The following NAT2 variants were observed in gnomAD, a reference collection of about 807,000 sequenced individuals.
The protein encoded by NAT2 is N-acetyltransferase 2, also known as arylamine N-acetyltransferase 2.
For synonymous variants in NAT2, 137 were observed against 125.9 expected, an observed-to-expected ratio of 1.09 and a Z score of -0.59; for missense variants, 428 against 339.1, an observed-to-expected ratio of 1.26 and a Z score of -2.06.
rs549584015 is a variant in NAT2, at chr8:18,400,684, C to T, written c.681C>T (p.Thr227=). ...CCACATCATTTTGTTCCTTGCAGAC[C>T]CCAGAAGGGGTTTACTGTTTGGTGG... ...FITTSFCSLQ[T]PEGVYCLVGF... The change falls in exon 2 of 2, where the codon ACC becomes ACT. Residue 227 remains threonine (T), a synonymous_variant. Transcript: ENST00000286479. 2.5e-6 allele frequency: 4 copies of T among 1,613,852 alleles called. No individual in the cohort carries two copies. The highest frequency in any genetic ancestry group is 3.4e-6 in the Non-Finnish European group (4 of 1,179,938).
At chr8:18,395,485 CAAAT>C (rs1800668383) in intron 1 of NAT2, among the ~76,000 whole-genome samples, 1 of 151,954 alleles carries the variant, frequency 6.6e-6, no homozygotes, top group South Asian at 2.1e-4. Flanking sequence ...AAATGTAGAA[CAAAT>C]AAAGTTGAAC....
upstream of NAT2, among the ~76,000 whole-genome samples, chr8:18,390,479 A>G (rs1304891142): frequency 6.6e-6 from 1 of 152,202 alleles, no homozygotes; most frequent in Non-Finnish European, 1.5e-5. Context: ...CAGACATGCT[A>G]ATTACCATGA....
chr8:18,400,386 C>A lies in NAT2; in HGVS notation c.383C>A (p.Ser128Tyr), dbSNP rs1181461804. ...NYIVDAGSGS[S>Y]SQMWQPLELI... ...ATTGTCGATGCTGGGTCTGGAAGCT[C>A]CTCCCAGATGTGGCAGCCTCTAGAA... Residue 128 changes from serine to tyrosine, a missense_variant, in exon 2 of 2, where the codon TCC (serine) becomes TAC (tyrosine). Ser to Tyr is a moderately radical substitution (Grantham distance 144). Coordinates refer to ENST00000286479, the MANE Select transcript of NAT2 (RefSeq NM_000015.3). The A allele has an allele frequency of 3.1e-6, 5 of 1,611,886 alleles. No homozygotes were observed. In the South Asian group the frequency reaches 4.4e-5, roughly 14 times the overall value.
At chr8:18,391,248 G>A (rs986951258), upstream of NAT2, 1 of 152,124 alleles carries the variant, frequency 6.6e-6, no homozygotes, top group Non-Finnish European at 1.5e-5. Flanking sequence ...ATTCCAGTGA[G>A]ATCACTTCCC....
At chr8:18,389,086 G>T (rs182725558), upstream of NAT2, among the ~76,000 whole-genome samples, 1 of 152,108 alleles carries the variant, frequency 6.6e-6, no homozygotes, top group Non-Finnish European at 1.5e-5. Context: ...TTCCCATGAC[G>T]GTTCTTGCTG....
Position 18,400,402 on chromosome 8 carries a change from G to A in NAT2, c.399G>A (p.Gln133=). The change falls in exon 2 of 2, where the codon CAG becomes CAA. Residue 133 remains glutamine, a synonymous_variant. Coordinates refer to ENST00000286479, the MANE Select transcript of NAT2 (RefSeq NM_000015.3). ...CTGGAAGCTCCTCCCAGATGTGGCA[G>A]CCTCTAGAATTAATTTCTGGGAAGG... ...AGSGSSSQMW[Q]PLELISGKDQ... 1 of 1,611,720 alleles carries A rather than the reference G, an allele frequency of 6.2e-7. No homozygotes were observed. The highest frequency in any genetic ancestry group is 8.5e-7 in the Non-Finnish European group (1 of 1,179,264).
chr8:18,394,857 A>G (rs1260838899), intron 1 of NAT2, among the ~76,000 whole-genome samples: 1 of 152,240 alleles, frequency 6.6e-6, no homozygotes, highest in Non-Finnish European at 1.5e-5. Flanking sequence ...TTATGCAAAT[A>G]ATTATATTCC....
intron 1 of NAT2, 80 bp from the exon 2 acceptor site, chr8:18,399,918 C>T (rs539182257): frequency 7.0e-5 from 99 of 1,417,664 alleles, no homozygotes; most frequent in Admixed American, 1.1e-4. Context: ...ATTTAAAATA[C>T]GTTATACCTA....
At chr8:18,389,256 T>C (rs1800555666), upstream of NAT2, among the ~76,000 whole-genome samples, 1 of 152,178 alleles carries the variant, frequency 6.6e-6, no homozygotes, top group South Asian at 2.1e-4. Flanking sequence ...TCTCCCACAC[T>C]CAGTCAAAAA....
intron 1 of NAT2, among the ~76,000 whole-genome samples, chr8:18,395,663 A>G (rs555171557): frequency 6.6e-6 from 1 of 152,330 alleles, no homozygotes; most frequent in South Asian, 2.1e-4. Flanking sequence ...TTCAGTCCCC[A>G]CTTTGAAACT....
chr8:18,400,965 C>T lies in NAT2; in HGVS notation c.*89C>T, dbSNP rs754854317. The T allele has an allele frequency of 8.6e-5, 79 of 915,674 alleles. No homozygotes were observed. Among genetic ancestry groups the T allele is most frequent in the East Asian group, 1.4e-4 (5 of 35,388 alleles). 56.7% of individuals were successfully genotyped at this position (915,674 alleles called of 1,614,324 possible). A position where few individuals can be genotyped will look rare whatever the true frequency, so the allele number is the denominator to read the frequency against. ...CTATCAGATATCCTCTCTACCCTCA[C>T]GTTATTTTGAAGAAAATCCTAAACA... On this transcript the variant is annotated 3_prime_UTR_variant, in exon 2 of 2. Transcript: ENST00000286479.
At chr8:18,389,900 G>T (rs187460140), upstream of NAT2, among the ~76,000 whole-genome samples, 34 of 152,310 alleles carry the variant, frequency 2.2e-4, no homozygotes, top group East Asian at 6.2e-3. Flanking sequence ...GGCTTATTTT[G>T]ATTTAGGAGA....
chr8:18,391,549 C>T (rs1436965257), intron 1 of NAT2, among the ~76,000 whole-genome samples: 1 of 151,498 alleles, frequency 6.6e-6, no homozygotes, highest in Admixed American at 6.6e-5. Context: ...GGAGTTCAGG[C>T]ACAACTGACC....
chr8:18,396,793 A>T lies in NAT2; in HGVS notation c.-6-3205A>T, dbSNP rs191686667. Among the ~76,000 whole-genome samples the T allele has an allele frequency of 4.4e-3, 665 of 152,340 alleles. 2 individuals are homozygous for T. The highest frequency in any genetic ancestry group is 0.015 in the African/African-American group (620 of 41,584). On this transcript the variant is annotated intron_variant, in intron 1 of 1. Coordinates refer to ENST00000286479, the MANE Select transcript of NAT2 (RefSeq NM_000015.3). ...AAAAATACGTTTAACATTAAGGTTTATACTTGGGTGAACACCTGATATTCA... is the reference window on the plus strand; with the variant it reads ...AAAAATACGTTTAACATTAAGGTTTTTACTTGGGTGAACACCTGATATTCA...
In NAT2 at chr8:18,400,310, A is replaced by T; in HGVS notation, c.307A>T (p.Thr103Ser). 6.2e-7 allele frequency: 1 copy of T among 1,613,902 alleles called. No individual in the cohort carries two copies. Among genetic ancestry groups the T allele is most frequent in the Non-Finnish European group, 8.5e-7 (1 of 1,179,918 alleles). ...FYIPPVNKYS[T>S]GMVHLLLQVT... ...CATCCCTCCAGTTAACAAATACAGC[A>T]CTGGCATGGTTCACCTTCTCCTGCA... The change falls in exon 2 of 2, where the codon ACT becomes TCT. Residue 103 changes from threonine (T) to serine (S), a missense_variant. By Grantham distance (58) the Thr-to-Ser change is moderately conservative. Transcript: ENST00000286479.
At chr8:18,398,692 C>G (rs1417641380) in intron 1 of NAT2, among the ~76,000 whole-genome samples, 1 of 152,146 alleles carries the variant, frequency 6.6e-6, no homozygotes, top group East Asian at 1.9e-4. Context: ...TAGTATTGTT[C>G]TTCAGTGGGT....
chr8:18,394,303 A>G (rs915782470), intron 1 of NAT2, among the ~76,000 whole-genome samples: 3 of 152,216 alleles, frequency 2.0e-5, no homozygotes, highest in Non-Finnish European at 4.4e-5. Flanking sequence ...GGATGTGTAC[A>G]TGCAGGTCAC....
chr8:18,389,227 A>G (rs185543109), upstream of NAT2, among the ~76,000 whole-genome samples: 70 of 152,338 alleles, frequency 4.6e-4, no homozygotes, highest in East Asian at 5.6e-3. Flanking sequence ...AAAAATGACC[A>G]TAATCCATTG....
chr8:18,392,376 T>G (rs1247443718), intron 1 of NAT2, among the ~76,000 whole-genome samples: 1 of 152,162 alleles, frequency 6.6e-6, no homozygotes, highest in African/African-American at 2.4e-5. Context: ...AGTGCAGCCT[T>G]CAGTCTGTGG....
Sources: gnomAD v4.1 joint callset for allele counts (sites outside exome capture counted in the v4.1 genomes callset) on GRCh38, gnomAD v4.1.1 for gene constraint, MANE v1.5 for transcripts, NCBI Gene and HGNC (gene_info 2026-07-23, HGNC 2026-07-21) for gene names.